RHBDF2: variants seen among roughly 807,000 people sequenced by gnomAD.
RHBDF2 encodes the protein inactive rhomboid protein 2.
In RHBDF2, 38 loss-of-function variants were observed where a neutral mutation model predicts 95.2. That is an observed-to-expected ratio of 0.40 (90% confidence interval 0.31 to 0.52). RHBDF2 has a LOEUF of 0.52. Among genes scored for constraint, RHBDF2 ranks in the 20% least tolerant of loss-of-function variants. RHBDF2 has a pLI of 0.56. For missense variants in RHBDF2, 863 were observed against 1,137.7 expected (o/e 0.76, Z 3.47); for synonymous variants, 442 against 462.0 (o/e 0.96, Z 0.55).
At chr17:76,475,220 T>G in intron 9 of RHBDF2, 79 bp from the exon 10 acceptor site, 1 of 997,376 alleles carries the variant, frequency 1.0e-6, no homozygotes, top group Non-Finnish European at 1.5e-6. Context: ...CACCCTGGCC[T>G]GGTCACATGG....
At position 76,473,008 on chromosome 17, in the gene RHBDF2, G is replaced by A; in HGVS notation, c.1907C>T (p.Ala636Val). 6.2e-7 allele frequency: 1 copy of A among 1,613,286 alleles called. No homozygotes were observed. The highest frequency in any genetic ancestry group is 8.5e-7 in the Non-Finnish European group (1 of 1,179,214). ...GGGGCAGTGAGGAGCCTCTTACCCA[G>A]CATGTAGGAAGAGAGACAGCCAGAG... is the stretch of plus-strand genomic sequence containing the variant. Reference protein sequence around the residue: ...YRLWLSLFLHAGVVHCLVSVV... With the variant: ...YRLWLSLFLHVGVVHCLVSVV... Residue 636 changes from alanine to valine, a missense_variant, in exon 17 of 19, where the codon GCT (alanine) becomes GTT (valine). Coordinates refer to ENST00000675367, the MANE Select transcript of RHBDF2 (RefSeq NM_001005498.4).
At position 76,472,565 on chromosome 17, in the gene RHBDF2, C is replaced by T. The variant is rs753927650; in HGVS notation, c.2064+121G>A. On this transcript the variant is annotated intron_variant, in intron 18 of 18. Transcript: ENST00000675367. ...TAAGCCCCCAGATTAGCTGTCCCTC[C>T]GCTGTGGAGCCCAGTACAGGAGGGG... The T allele has an allele frequency of 8.7e-5, 114 of 1,304,970 alleles. 1 individual carries two copies. The highest frequency in any genetic ancestry group is 4.2e-4 in the African/African-American group (29 of 69,088). The allele number at this position is 1,304,970 out of a possible 1,614,324, so 80.8% of individuals were successfully genotyped here.
At chr17:76,490,899 G>T (rs2074280485) in intron 1 of RHBDF2, among the ~76,000 whole-genome samples, 1 of 152,172 alleles carries the variant, frequency 6.6e-6, no homozygotes. Context: ...GCATCTCGCG[G>T]ATTTACCTAC....
chr17:76,480,006 A>ATTGT (rs1567879591), intron 3 of RHBDF2, 152 bp from the exon 4 acceptor site: 3 of 598,234 alleles, frequency 5.0e-6, no homozygotes, highest in Non-Finnish European at 7.5e-6. Flanking sequence ...ATATATATAT[A>ATTGT]ATGTGTGTGT....
Position 76,474,489 on chromosome 17 carries a change from T to G in RHBDF2, c.1348A>C (p.Lys450Gln). 6.2e-7 allele frequency: 1 copy of G among 1,614,116 alleles called. No individual in the cohort carries two copies. Among genetic ancestry groups the G allele is most frequent in the Non-Finnish European group, 8.5e-7 (1 of 1,179,994 alleles). The change falls in exon 12 of 19, where the codon AAG (lysine) becomes CAG (glutamine). Residue 450 changes from lysine to glutamine, a missense_variant. Physicochemically the swap from Lys to Gln is moderately conservative, Grantham distance 53 (BLOSUM62 1). Transcript: ENST00000675367. ...LGAKFSPCIR[K>Q]DGQIEQLVLR... Reference sequence around the variant, plus strand: ...ACCAGCTGCTCGATCTGCCCGTCCTTCCGGATGCAGGGTGAGAACTTGGCC... The same window carrying G: ...ACCAGCTGCTCGATCTGCCCGTCCTGCCGGATGCAGGGTGAGAACTTGGCC...
At chr17:76,480,381 C>G (rs2073928801) in intron 3 of RHBDF2, among the ~76,000 whole-genome samples, 1 of 151,500 alleles carries the variant, frequency 6.6e-6, no homozygotes, top group Non-Finnish European at 1.5e-5. Flanking sequence ...GCTACCATGC[C>G]CGGCCTATAT....
At position 76,487,898 on chromosome 17, in the gene RHBDF2, G is replaced by A. The variant is rs531143434; in HGVS notation, c.-208C>T. 2.0e-5 allele frequency: 3 copies of A among 152,460 alleles called. No individual in the cohort carries two copies. Among genetic ancestry groups the A allele is most frequent in the East Asian group, 3.9e-4 (2 of 5,186 alleles). 9.4% of individuals were successfully genotyped at this position (152,460 alleles called of 1,614,324 possible). A position where few individuals can be genotyped will look rare whatever the true frequency, so the allele number is the denominator to read the frequency against. The stretch of plus-strand genomic sequence containing the variant: ...TCCAGGCCACACGGTGCAGCTTCCT[G>A]GGTACTCACAGCTGGAAGAAAGGAG... On this transcript the variant is annotated 5_prime_UTR_variant, in exon 2 of 19. Transcript: ENST00000675367.
At chr17:76,480,627 C>G (rs1177910503) in intron 3 of RHBDF2, among the ~76,000 whole-genome samples, 1 of 152,196 alleles carries the variant, frequency 6.6e-6, no homozygotes, top group Non-Finnish European at 1.5e-5. Flanking sequence ...CTCAAGTGAT[C>G]TGGCTGCCTC....
intron 1 of RHBDF2, among the ~76,000 whole-genome samples, chr17:76,493,445 A>C (rs2074356030): frequency 6.6e-6 from 1 of 152,186 alleles, no homozygotes; most frequent in South Asian, 2.1e-4. Flanking sequence ...CTGCCCTGGC[A>C]AGAGGTAGAA....
intron 15 of RHBDF2, 40 bp downstream of exon 15, chr17:76,473,608 G>C (rs374276167): frequency 6.6e-7 from 1 of 1,525,068 alleles, no homozygotes; most frequent in East Asian, 2.4e-5. Context: ...CAGCTCGGGG[G>C]GGCAGTGGGA....
intron 1 of RHBDF2, among the ~76,000 whole-genome samples, chr17:76,491,060 C>A (rs1256096859): frequency 6.6e-6 from 1 of 152,126 alleles, no homozygotes; most frequent in Non-Finnish European, 1.5e-5. Context: ...TCTCCCTCAT[C>A]CTGCAGCTGG....
chr17:76,489,065 G>A (rs2144343515), intron 1 of RHBDF2, among the ~76,000 whole-genome samples: 1 of 152,200 alleles, frequency 6.6e-6, no homozygotes, highest in South Asian at 2.1e-4. Context: ...GATGGAGGTT[G>A]CAGTGAGCCG....
At chr17:76,498,049 C>G (rs181226907) in intron 1 of RHBDF2, among the ~76,000 whole-genome samples, 20 of 152,284 alleles carry the variant, frequency 1.3e-4, no homozygotes, top group Admixed American at 3.3e-4. Context: ...AAGGAGGGGC[C>G]GTGGACACGG....
chr17:76,478,820 C>A lies in RHBDF2; in HGVS notation c.658G>T (p.Ala220Ser), dbSNP rs34814954. The A allele has an allele frequency of 6.2e-7, 1 of 1,612,372 alleles. No individual in the cohort carries two copies. Among genetic ancestry groups the A allele is most frequent in the Non-Finnish European group, 8.5e-7 (1 of 1,179,324 alleles). The change falls in exon 6 of 19, where the codon GCT becomes TCT. Residue 220 changes from alanine (A) to serine (S), a missense_variant. Ala to Ser is a moderately conservative substitution (Grantham distance 99, BLOSUM62 1). Transcript: ENST00000675367. ...SVAHMSLQAA[A>S]ALLKGRSVLD... The stretch of plus-strand genomic sequence containing the variant: ...GAGCCCCGCACCTTGAGGAGGGCAG[C>A]GGCAGCTTGCAAGCTCATGTGGGCC...
chr17:76,475,114 G>A lies in RHBDF2; in HGVS notation c.1143C>T (p.Phe381=), dbSNP rs530094611. ...HRPYFTYWLT[F]VHVIITLLVI... The stretch of plus-strand genomic sequence containing the variant: ...CCAGCAGCGTGATGATGACATGGAC[G>A]AAGGTCAGCCAGTAGGTGAAGTAGG... Residue 381 remains phenylalanine (F), a synonymous_variant, in exon 10 of 19, where the codon TTC becomes TTT. Transcript: ENST00000675367. 2.9e-5 allele frequency: 47 copies of A among 1,598,458 alleles called. No individual in the cohort carries two copies. Among genetic ancestry groups the A allele is most frequent in the Admixed American group, 5.3e-5 (3 of 56,748 alleles).
chr17:76,472,041 G>A lies in RHBDF2; in HGVS notation c.2076C>T (p.Ala692=), dbSNP rs758075888. The part of the protein sequence containing the change: ...FLPYRAEVGP[A]GSQFGLLACL... ...AGGCGAGGAGGCCGAACTGTGAGCC[G>A]GCCGGGCCCACCTGGGGCGGGGCAG... is the stretch of plus-strand genomic sequence containing the variant. The change falls in exon 19 of 19, where the codon GCC becomes GCT. Residue 692 remains alanine, a synonymous_variant. Transcript: ENST00000675367. 17 of 1,563,368 alleles carry A rather than the reference G, an allele frequency of 1.1e-5. No individual in the cohort carries two copies. Among genetic ancestry groups the A allele is most frequent in the Admixed American group, 5.7e-5 (3 of 52,604 alleles).
intron 6 of RHBDF2, 101 bp downstream of exon 6, chr17:76,478,704 GC>G: frequency 1.0e-6 from 1 of 989,878 alleles, no homozygotes; most frequent in Non-Finnish European, 1.5e-6. Context: ...GTAGGCAGAT[GC>G]CCAGGTGAGC....
chr17:76,473,500 A>G, intron 15 of RHBDF2, 148 bp downstream of exon 15: 1 of 923,970 alleles, frequency 1.1e-6, no homozygotes. Flanking sequence ...CACCATGGGT[A>G]GCCCCAGAGC....
At chr17:76,472,262 G>A (rs984936305) in intron 18 of RHBDF2, 64 of 607,948 alleles carry the variant, frequency 1.1e-4, no homozygotes, top group African/African-American at 9.3e-4. Flanking sequence ...TACTGTGTAC[G>A]TGCCTGGTGT....
Sources: gnomAD v4.1 joint callset for allele counts (sites outside exome capture counted in the v4.1 genomes callset) on GRCh38, gnomAD v4.1.1 for gene constraint, MANE v1.5 for transcripts, NCBI Gene and HGNC (gene_info 2026-07-23, HGNC 2026-07-21) for gene names.